SLC7A6: variants seen among roughly 807,000 people sequenced by gnomAD.
The protein encoded by SLC7A6 is Y+L amino acid transporter 2.
A neutral mutation model predicts 46.6 loss-of-function variants in SLC7A6; 29 were observed. That is an observed-to-expected ratio of 0.62 (90% CI 0.46 to 0.85). The LOEUF is 0.85. SLC7A6 is among the 40% of genes least tolerant of loss of function. The pLI, the probability that SLC7A6 is intolerant of heterozygous loss-of-function variation, is 0.00. For missense variants in SLC7A6, 527 were observed against 647.6 expected (o/e 0.81, Z 2.02); for synonymous variants, 276 against 257.3 (o/e 1.07, Z -0.70).
At chr16:68,293,923 GTT>G (rs2043108699) in intron 7 of SLC7A6, among the ~76,000 whole-genome samples, 1 of 152,076 alleles carries the variant, frequency 6.6e-6, no homozygotes, top group Non-Finnish European at 1.5e-5. Flanking sequence ...TTGAGATGGA[GTT>G]TTACTCTTGT....
At chr16:68,271,246 G>T (rs539470319) in intron 2 of SLC7A6, among the ~76,000 whole-genome samples, 1 of 152,256 alleles carries the variant, frequency 6.6e-6, no homozygotes, top group East Asian at 1.9e-4. Context: ...TCTGGCCTTG[G>T]TCTCCCAAAA....
chr16:68,273,216 C>G (rs1286283328), intron 2 of SLC7A6, among the ~76,000 whole-genome samples: 1 of 152,144 alleles, frequency 6.6e-6, no homozygotes, highest in Non-Finnish European at 1.5e-5. Flanking sequence ...ACTCTTGACT[C>G]TCTGTGGTTT....
intron 3 of SLC7A6, among the ~76,000 whole-genome samples, chr16:68,286,630 T>C (rs550433995): frequency 6.6e-6 from 1 of 152,346 alleles, no homozygotes; most frequent in Admixed American, 6.5e-5. Context: ...ATTGCTCTTA[T>C]GTCGTCCCCA....
chr16:68,276,611 C>CGGCT (rs1427337704), intron 3 of SLC7A6, among the ~76,000 whole-genome samples: 1 of 152,128 alleles, frequency 6.6e-6, no homozygotes, highest in Non-Finnish European at 1.5e-5. Context: ...TTAGGGAAGG[C>CGGCT]GGCTGCTCAG....
chr16:68,274,698 C>G lies in SLC7A6; in HGVS notation c.-29C>G, dbSNP rs1422429935. On this transcript the variant is annotated 5_prime_UTR_variant, in exon 3 of 11. Coordinates refer to ENST00000219343, the MANE Select transcript of SLC7A6 (RefSeq NM_003983.6). ...ACTTGTATTCTTTGCCAGGCCACAG[C>G]AAACACAGGTGTGCAGGAACCGTTT... 2 of 1,610,898 alleles carry G rather than the reference C, an allele frequency of 1.2e-6. No homozygotes were observed. The highest frequency in any genetic ancestry group is 4.5e-5 in the East Asian group (2 of 44,816).
intron 8 of SLC7A6, 72 bp downstream of exon 8, chr16:68,294,873 A>ATT: frequency 9.7e-7 from 1 of 1,027,868 alleles, no homozygotes; most frequent in East Asian, 2.5e-5. Context: ...CTAAGTTGTT[A>ATT]AATAAGAGGG....
At chr16:68,294,980 A>C in intron 8 of SLC7A6, 179 bp downstream of exon 8, 1 of 541,084 alleles carries the variant, frequency 1.8e-6, no homozygotes, top group Non-Finnish European at 3.3e-6. Context: ...TTTTGGATTA[A>C]TCTGGAATTT....
At chr16:68,282,907 T>C (rs1275159523) in intron 3 of SLC7A6, among the ~76,000 whole-genome samples, 1 of 152,220 alleles carries the variant, frequency 6.6e-6, no homozygotes, top group Admixed American at 6.5e-5. Context: ...TGTGAGCCAC[T>C]GCGCCCGGCC....
At chr16:68,294,316 C>G (rs2043118249) in intron 7 of SLC7A6, among the ~76,000 whole-genome samples, 1 of 152,186 alleles carries the variant, frequency 6.6e-6, no homozygotes, top group Admixed American at 6.5e-5. Context: ...AGGGCATGAA[C>G]AGAAATCTGG....
chr16:68,270,079 T>C (rs2042600327), intron 2 of SLC7A6, among the ~76,000 whole-genome samples: 1 of 152,174 alleles, frequency 6.6e-6, no homozygotes, highest in African/African-American at 2.4e-5. Context: ...CCCTCAGCTT[T>C]AGGATTTCTC....
intron 3 of SLC7A6, among the ~76,000 whole-genome samples, chr16:68,276,713 T>G (rs1328985123): frequency 6.6e-6 from 1 of 152,226 alleles, no homozygotes; most frequent in South Asian, 2.1e-4. Context: ...AATATGTTTA[T>G]TAGGCCAGGC....
chr16:68,282,940 A>G (rs2042856400), intron 3 of SLC7A6, among the ~76,000 whole-genome samples: 1 of 151,952 alleles, frequency 6.6e-6, no homozygotes, highest in African/African-American at 2.4e-5. Context: ...TTTTGTTGTT[A>G]TTTTTTGTTT....
At position 68,281,633 on chromosome 16, in the gene SLC7A6, G is replaced by T. The variant is rs1253838312; in HGVS notation, c.524-6113G>T. On this transcript the variant is annotated intron_variant, in intron 3 of 10. Transcript: ENST00000219343. ...ACTTGTGGGACTAATGGGGAGAAAT[G>T]TTGGTTCTTGAGGTAGGTACATAGG... Among the ~76,000 whole-genome samples the T allele has an allele frequency of 2.1e-4, 32 of 152,196 alleles. 1 individual carries two copies. Among genetic ancestry groups the T allele is most frequent in the Admixed American group, 2.0e-3 (30 of 15,276 alleles).
chr16:68,287,858 T>C lies in SLC7A6; in HGVS notation c.636T>C (p.Val212=), dbSNP rs1467033495. The C allele has an allele frequency of 1.2e-6, 2 of 1,614,140 alleles. No homozygotes were observed. The highest frequency in any genetic ancestry group is 2.2e-5 in the South Asian group (2 of 91,070). ...ALIAIIVMGL[V]KLCQGHSEHF... is the part of the protein sequence containing the mutation. ...TTGCCATCATTGTCATGGGCCTTGTTAAACTGTGCCAGGGTAAGTGGTGGG... is the reference window on the plus strand; with the variant it reads ...TTGCCATCATTGTCATGGGCCTTGTCAAACTGTGCCAGGGTAAGTGGTGGG... Residue 212 remains valine, a synonymous_variant, in exon 4 of 11, where the codon GTT becomes GTC. Coordinates refer to ENST00000219343, the MANE Select transcript of SLC7A6 (RefSeq NM_003983.6).
chr16:68,285,856 C>T (rs2042919532), intron 3 of SLC7A6, among the ~76,000 whole-genome samples: 1 of 151,942 alleles, frequency 6.6e-6, no homozygotes, highest in South Asian at 2.1e-4. Flanking sequence ...ATATGGGAGG[C>T]TGAGGCAGGA....
intron 3 of SLC7A6, among the ~76,000 whole-genome samples, chr16:68,283,147 G>A (rs563442967): frequency 1.3e-5 from 2 of 152,342 alleles, no homozygotes; most frequent in South Asian, 2.1e-4. Context: ...ACAGTTCTGC[G>A]AGAGGGTGCA....
chr16:68,296,619 T>C lies in SLC7A6; in HGVS notation c.1270-8T>C. 6.2e-7 allele frequency: 1 copy of C among 1,614,170 alleles called. No homozygotes were observed. Among genetic ancestry groups the C allele is most frequent in the Middle Eastern group, 1.7e-4 (1 of 6,060 alleles). On this transcript the variant is annotated splice_region_variant and splice_polypyrimidine_tract_variant and intron_variant, in intron 9 of 10. Transcript: ENST00000219343. ...ACGTTACTTAATCTCTCACCCCCTC[T>C]ATTTCAGCTGAGCGTGTTTTTCCCC...
At chr16:68,290,793 A>G in intron 5 of SLC7A6, 1 of 525,328 alleles carries the variant, frequency 1.9e-6, no homozygotes, top group Non-Finnish European at 3.4e-6. Context: ...AGTGGGGAGC[A>G]GCAGGCCCAG....
chr16:68,291,586 T>G lies in SLC7A6; in HGVS notation c.947T>G (p.Phe316Cys), dbSNP rs778163589. The G allele has an allele frequency of 6.2e-7, 1 of 1,614,212 alleles. No individual in the cohort carries two copies. The highest frequency in any genetic ancestry group is 1.1e-5 in the South Asian group (1 of 91,088). Residue 316 changes from phenylalanine (F) to cysteine (C), a missense_variant, in exon 7 of 11, where the codon TTC becomes TGC. Phe to Cys is a radical substitution (Grantham distance 205). Coordinates refer to ENST00000219343, the MANE Select transcript of SLC7A6 (RefSeq NM_003983.6). ...TTTGCTGACCAGACGTTTGGCATGT[T>G]CAGCTGGACCATCCCCATTGCTGTT... is the stretch of plus-strand genomic sequence containing the variant. The part of the protein sequence containing the change: ...VTFADQTFGM[F>C]SWTIPIAVAL...
Sources: allele counts gnomAD v4.1 joint callset (sites outside exome capture counted in the v4.1 genomes callset), GRCh38; gene constraint gnomAD v4.1.1; transcripts MANE v1.5; gene names NCBI Gene and HGNC (gene_info 2026-07-23, HGNC 2026-07-21).